Variants in RALGAPA2 observed in about 807,000 individuals in gnomAD.
The protein encoded by RALGAPA2 is Ral GTPase activating protein catalytic subunit alpha 2, also known as ral GTPase-activating protein subunit alpha-2.
In RALGAPA2, 139 loss-of-function variants were observed where a neutral mutation model predicts 230.4. The observed-to-expected ratio is 0.60, with a 90% CI of 0.53 to 0.69. RALGAPA2 has a LOEUF of 0.69. RALGAPA2 is among the 30% of genes least tolerant of loss of function. The pLI is 0.00. For synonymous variants in RALGAPA2, 847 were observed against 837.8 expected (o/e 1.01, Z -0.19); for missense variants, 2,163 against 2,276.0 (o/e 0.95, Z 1.01).
chr20:20,583,342 G>A, intron 19 of RALGAPA2, 116 bp from the exon 20 acceptor site: 2 of 1,161,548 alleles, frequency 1.7e-6, no homozygotes, highest in Admixed American at 2.9e-5. Context: ...AATCATTCAT[G>A]TTCTTTGGCA....
At chr20:20,411,821 G>A (rs2060066329) in intron 38 of RALGAPA2, among the ~76,000 whole-genome samples, 1 of 152,178 alleles carries the variant, frequency 6.6e-6, no homozygotes, top group Non-Finnish European at 1.5e-5. Flanking sequence ...AGGTTAACAG[G>A]ATAGCTGAAG....
At chr20:20,580,319 T>C (rs1046356374) in intron 20 of RALGAPA2, among the ~76,000 whole-genome samples, 8 of 152,188 alleles carry the variant, frequency 5.3e-5, no homozygotes, top group East Asian at 1.9e-4. Flanking sequence ...TTCCTAGAGA[T>C]AGAAGTCTAT....
intron 3 of RALGAPA2, among the ~76,000 whole-genome samples, chr20:20,668,544 T>TA (rs2068032450): frequency 6.6e-6 from 1 of 152,202 alleles, no homozygotes; most frequent in South Asian, 2.1e-4. Flanking sequence ...AAAATGCACA[T>TA]AAAAAACATG....
At chr20:20,542,538 C>G (rs542836401) in intron 24 of RALGAPA2, among the ~76,000 whole-genome samples, 2 of 152,260 alleles carry the variant, frequency 1.3e-5, no homozygotes, top group African/African-American at 4.8e-5. Context: ...ACCAAAACAG[C>G]ATGGTACTGG....
intron 38 of RALGAPA2, among the ~76,000 whole-genome samples, chr20:20,402,123 A>G (rs1014841070): frequency 1.1e-4 from 16 of 152,304 alleles, no homozygotes; most frequent in Admixed American, 7.8e-4. Context: ...GGAGAGGCCT[A>G]AGTGCTCGAG....
chr20:20,538,670 A>T (rs1461916608), intron 24 of RALGAPA2, among the ~76,000 whole-genome samples: 1 of 152,172 alleles, frequency 6.6e-6, no homozygotes, highest in Non-Finnish European at 1.5e-5. Flanking sequence ...TACTGTTCTG[A>T]AGAAGACTTT....
At chr20:20,582,334 CA>C in intron 20 of RALGAPA2, among the ~76,000 whole-genome samples, 1 of 152,046 alleles carries the variant, frequency 6.6e-6, no homozygotes, top group Non-Finnish European at 1.5e-5. Context: ...GGCAAAGAAA[CA>C]AAAGGACAGA....
At chr20:20,483,014 T>C (rs1404663941) in intron 36 of RALGAPA2, among the ~76,000 whole-genome samples, 1 of 152,192 alleles carries the variant, frequency 6.6e-6, no homozygotes. Context: ...CAGGTAAGTT[T>C]CCCATCTTTT....
intron 36 of RALGAPA2, among the ~76,000 whole-genome samples, chr20:20,489,184 G>A (rs947484236): frequency 8.5e-5 from 13 of 152,268 alleles, no homozygotes; most frequent in South Asian, 4.2e-4. Context: ...TGATATCAGC[G>A]TCTACAGCAC....
chr20:20,404,509 G>C (rs1230377178), intron 38 of RALGAPA2, among the ~76,000 whole-genome samples: 5 of 152,226 alleles, frequency 3.3e-5, no homozygotes, highest in African/African-American at 1.2e-4. Context: ...CAGCAGCTGA[G>C]GTTGTGCATG....
rs1316549589 is a variant in RALGAPA2, at chr20:20,394,099, G to C, written c.*36-846C>G. Among the ~76,000 whole-genome samples, 7 of 152,144 alleles carry C rather than the reference G, an allele frequency of 4.6e-5. No individual in the cohort carries two copies. The East Asian group carries it at 1.4e-3, about 29-fold the overall frequency. ...TCCTCCCTGCGTGATTCACTTGCAGGGCTTTGGCCTTTGAAATTATTATTA... is the reference window on the plus strand; with the variant it reads ...TCCTCCCTGCGTGATTCACTTGCAGCGCTTTGGCCTTTGAAATTATTATTA... On this transcript the variant is annotated intron_variant, in intron 39 of 39. Coordinates refer to ENST00000202677, the MANE Select transcript of RALGAPA2 (RefSeq NM_020343.4).
chr20:20,475,631 T>C (rs2061633458), intron 36 of RALGAPA2, among the ~76,000 whole-genome samples: 1 of 152,100 alleles, frequency 6.6e-6, no homozygotes, highest in Non-Finnish European at 1.5e-5. Flanking sequence ...GAAAAAGGTG[T>C]CATAATTAAT....
intron 3 of RALGAPA2, among the ~76,000 whole-genome samples, chr20:20,663,117 GGA>G: frequency 6.6e-6 from 1 of 152,142 alleles, no homozygotes; most frequent in East Asian, 1.9e-4. Context: ...GGTGAGTGAG[GGA>G]GAGAGAAGGG....
chr20:20,459,716 AAAAC>A (rs1287176503), intron 37 of RALGAPA2, among the ~76,000 whole-genome samples: 4 of 152,320 alleles, frequency 2.6e-5, no homozygotes, highest in South Asian at 2.1e-4. Context: ...ATCTTTTTGT[AAAAC>A]AAACAAATTA....
chr20:20,508,372 C>T (rs1323360805), intron 33 of RALGAPA2, among the ~76,000 whole-genome samples: 1 of 152,214 alleles, frequency 6.6e-6, no homozygotes, highest in East Asian at 1.9e-4. Flanking sequence ...TCTTCCCTTC[C>T]TCATTAGAAT....
At chr20:20,424,802 TAA>T (rs1022266094) in intron 37 of RALGAPA2, among the ~76,000 whole-genome samples, 1 of 142,618 alleles carries the variant, frequency 7.0e-6, no homozygotes, top group African/African-American at 2.6e-5. Flanking sequence ...AAAGTATAAT[TAA>T]AAAAAAAAAA....
intron 1 of RALGAPA2, among the ~76,000 whole-genome samples, chr20:20,687,420 A>G (rs1303593594): frequency 6.6e-6 from 1 of 152,162 alleles, no homozygotes; most frequent in Non-Finnish European, 1.5e-5. Flanking sequence ...ACACATTTGG[A>G]TGGTGCCCAA....
rs1442280462 is a variant in RALGAPA2, at chr20:20,649,885, AT to A, written c.328+3644del. ...GCCTCACTCTCTATCAGTTCTAATT[AT>A]TGCCCAGAAATGAGATGTCAAGCAG... On this transcript the variant is annotated intron_variant, in intron 4 of 39. Coordinates refer to ENST00000202677, the MANE Select transcript of RALGAPA2 (RefSeq NM_020343.4). Among the ~76,000 whole-genome samples, 5 of 152,206 alleles carry A rather than the reference AT, an allele frequency of 3.3e-5. 1 individual carries two copies. Among genetic ancestry groups the A allele is most frequent in the Admixed American group, 3.3e-4 (5 of 15,278 alleles).
chr20:20,539,673 AT>A (rs755128736), intron 24 of RALGAPA2, among the ~76,000 whole-genome samples: 2 of 152,188 alleles, frequency 1.3e-5, no homozygotes, highest in Non-Finnish European at 2.9e-5. Context: ...ATAATATAGT[AT>A]TATTAATTAT....
Sources: allele counts gnomAD v4.1 joint callset (sites outside exome capture counted in the v4.1 genomes callset), GRCh38; gene constraint gnomAD v4.1.1; transcripts MANE v1.5; gene names NCBI Gene and HGNC (gene_info 2026-07-23, HGNC 2026-07-21).